GPRASP3: variants seen among roughly 807,000 people sequenced by gnomAD.
GPRASP3 encodes G protein-coupled receptor associated sorting protein 3.
At chrX:102,747,673 G>A in the GPRASP3 span, 1 of 111,951 alleles carries the variant, frequency 8.9e-6, no homozygotes, top group South Asian at 3.7e-4. Context: ...GGTGATTAGG[G>A]AATCATTGAG....
the GPRASP3 span, among the ~76,000 whole-genome samples, chrX:102,728,610 T>A: frequency 1.2e-5 from 1 of 85,305 alleles, no homozygotes; most frequent in African/African-American, 4.8e-5. Flanking sequence ...AGAGAGGGGG[T>A]CTTGCTATGT....
chrX:102,740,360 C>T, the GPRASP3 span, among the ~76,000 whole-genome samples: 5 of 111,709 alleles, frequency 4.5e-5, no homozygotes, highest in Non-Finnish European at 7.5e-5. Flanking sequence ...AGAGTCTCTG[C>T]CTGGTAATCC....
the GPRASP3 span, among the ~76,000 whole-genome samples, chrX:102,738,310 A>T: frequency 8.9e-6 from 1 of 112,190 alleles, no homozygotes; most frequent in Non-Finnish European, 1.9e-5. Context: ...GGCATCCCCC[A>T]TCATCCTGGG....
chrX:102,731,772 C>T, the GPRASP3 span, among the ~76,000 whole-genome samples: 1 of 111,766 alleles, frequency 8.9e-6, no homozygotes, highest in Non-Finnish European at 1.9e-5. Context: ...GTGATTCCTC[C>T]GTTAGTGTGG....
the GPRASP3 span, among the ~76,000 whole-genome samples, chrX:102,724,561 G>A: frequency 9.1e-6 from 1 of 110,094 alleles, no homozygotes; most frequent in Non-Finnish European, 1.9e-5. Context: ...AGCTCCCTTA[G>A]CCTAGAATTC....
At chrX:102,749,068 G>A in the GPRASP3 span, 33 of 1,210,460 alleles carry the variant, frequency 2.7e-5, no homozygotes, top group Non-Finnish European at 3.6e-5. Context: ...AGCTAAAGCT[G>A]GAGCAGAGAG....
the GPRASP3 span, among the ~76,000 whole-genome samples, chrX:102,735,028 T>C: frequency 1.8e-5 from 2 of 112,345 alleles, no homozygotes; most frequent in Admixed American, 1.9e-4. Flanking sequence ...TTTGATATTA[T>C]AAAATAAAAT....
chrX:102,743,335 A>G, the GPRASP3 span, among the ~76,000 whole-genome samples: 1 of 111,502 alleles, frequency 9.0e-6, no homozygotes. Flanking sequence ...TATACTTATA[A>G]TGCACACTTT....
the GPRASP3 span, among the ~76,000 whole-genome samples, chrX:102,733,070 G>A: frequency 8.9e-6 from 1 of 112,131 alleles, no homozygotes; most frequent in East Asian, 2.8e-4. Flanking sequence ...TCAAAGACTT[G>A]GTAAAACAAC....
At chrX:102,749,964 G>A in the GPRASP3 span, 3 of 1,207,586 alleles carry the variant, frequency 2.5e-6, no homozygotes, top group East Asian at 3.0e-5. Flanking sequence ...TGGATTCTGA[G>A]GAATTTGAAA....
the GPRASP3 span, among the ~76,000 whole-genome samples, chrX:102,731,060 A>G: frequency 8.9e-6 from 1 of 112,836 alleles, no homozygotes; most frequent in African/African-American, 3.2e-5. Context: ...GAAATATTTC[A>G]AATAATAACA....
At chrX:102,744,693 G>T in the GPRASP3 span, among the ~76,000 whole-genome samples, 1 of 111,915 alleles carries the variant, frequency 8.9e-6, no homozygotes, top group Non-Finnish European at 1.9e-5. Flanking sequence ...TTCCTCTCTT[G>T]CTCCTTCCAA....
At chrX:102,744,303 T>C in the GPRASP3 span, among the ~76,000 whole-genome samples, 1 of 111,875 alleles carries the variant, frequency 8.9e-6, no homozygotes, top group Admixed American at 9.4e-5. Context: ...TATTCTTGCA[T>C]ATATTTACTT....
At chrX:102,732,547 G>A in the GPRASP3 span, among the ~76,000 whole-genome samples, 1 of 112,074 alleles carries the variant, frequency 8.9e-6, no homozygotes, top group Non-Finnish European at 1.9e-5. Flanking sequence ...CCAAAATGCA[G>A]ACAAAAACTT....
chrX:102,730,098 A>G, the GPRASP3 span, among the ~76,000 whole-genome samples: 5 of 112,233 alleles, frequency 4.5e-5, no homozygotes, highest in Non-Finnish European at 9.4e-5. Flanking sequence ...ACCATAATGT[A>G]GAATCACTGG....
At chrX:102,726,922 C>T in the GPRASP3 span, among the ~76,000 whole-genome samples, 1 of 112,512 alleles carries the variant, frequency 8.9e-6, no homozygotes, top group East Asian at 2.8e-4. Context: ...AAACAGTTGT[C>T]AGACCTCTAG....
chrX:102,743,622 G>A, the GPRASP3 span, among the ~76,000 whole-genome samples: 93 of 110,436 alleles, frequency 8.4e-4, no homozygotes, highest in Non-Finnish European at 1.5e-3. Context: ...TGCTGGCCAC[G>A]CCAAATGGGA....
chrX:102,748,941 A>G, the GPRASP3 span: 2 of 1,123,037 alleles, frequency 1.8e-6, no homozygotes, highest in Non-Finnish European at 2.4e-6. Context: ...TCGACCTAGG[A>G]CACATTGAGA....
chrX:102,724,219 A>G, the GPRASP3 span, among the ~76,000 whole-genome samples: 1 of 110,985 alleles, frequency 9.0e-6, no homozygotes, highest in African/African-American at 3.3e-5. Flanking sequence ...GTGCCCTTAA[A>G]CCTGTGGAGT....
Sources: gnomAD v4.1 joint callset for allele counts (sites outside exome capture counted in the v4.1 genomes callset) on GRCh38, gnomAD v4.1.1 for gene constraint, MANE v1.5 for transcripts, NCBI Gene and HGNC (gene_info 2026-07-23, HGNC 2026-07-21) for gene names.